Variants in ACACB observed in about 807,000 individuals in gnomAD.
ACACB encodes the protein acetyl-CoA carboxylase 2.
Under a neutral mutation model 278.8 loss-of-function variants are expected in ACACB, and 209 were observed. The observed-to-expected ratio is 0.75, with a 90% CI of 0.67 to 0.84. The LOEUF is 0.84. Ranked by LOEUF, ACACB falls within the 40% of genes least tolerant of loss-of-function variation. ACACB has a pLI of 0.00. For missense variants in ACACB, 2,850 were observed against 3,269.0 expected (o/e 0.87, Z 3.13); for synonymous variants, 1,174 against 1,285.6 (o/e 0.91, Z 1.86).
rs2045533263 is a variant in ACACB at position 109,206,869 on chromosome 12, A to G, written c.3060+13A>G. On this transcript the variant is annotated intron_variant, in intron 20 of 52. Coordinates refer to ENST00000338432, the MANE Select transcript of ACACB (RefSeq NM_001093.4). ...TTTTAGCATAAAGGTAAAGTCACCTATGAGCGCAGGCGTGTAGACCAGTGC... is the reference window on the plus strand; with the variant it reads ...TTTTAGCATAAAGGTAAAGTCACCTGTGAGCGCAGGCGTGTAGACCAGTGC... 3.1e-6 allele frequency: 5 copies of G among 1,614,202 alleles called. No homozygotes were observed. The highest frequency in any genetic ancestry group is 4.2e-6 in the Non-Finnish European group (5 of 1,180,030).
chr12:109,264,252 A>G lies in ACACB; in HGVS notation c.6808A>G (p.Lys2270Glu), dbSNP rs772380197. ...TGCAGGGGAACCTGATCTCTCCGAC[A>G]AGGACCGAAAGGACCTGGAGGGCCG... is the stretch of plus-strand genomic sequence containing the variant. ...EQLGEPDLSDKDRKDLEGRLK... is the reference protein window; with the variant it reads ...EQLGEPDLSDEDRKDLEGRLK... The change falls in exon 50 of 53, where the codon AAG becomes GAG. Residue 2270 changes from lysine to glutamate, a missense_variant. Physicochemically the swap from Lys to Glu is moderately conservative, Grantham distance 56. Transcript: ENST00000338432. 1.2e-6 allele frequency: 2 copies of G among 1,614,042 alleles called. No homozygotes were observed. Among genetic ancestry groups the G allele is most frequent in the Non-Finnish European group, 1.7e-6 (2 of 1,179,994 alleles).
In ACACB at chr12:109,167,880, T is replaced by C; in HGVS notation, c.787-16T>C. 1 of 1,613,798 alleles carries C rather than the reference T, an allele frequency of 6.2e-7. No homozygotes were observed. The highest frequency in any genetic ancestry group is 2.2e-5 in the East Asian group (1 of 44,832). ...TAGATGTGCATCTACAGCTCCTTCCTTGTCTTCCCATGCAGGTGCTTATTG... is the reference window on the plus strand; with the variant it reads ...TAGATGTGCATCTACAGCTCCTTCCCTGTCTTCCCATGCAGGTGCTTATTG... On this transcript the variant is annotated splice_polypyrimidine_tract_variant and intron_variant, in intron 3 of 52. Coordinates refer to ENST00000338432, the MANE Select transcript of ACACB (RefSeq NM_001093.4).
rs149655262 is a variant in ACACB, at chr12:109,258,535, A to G, written c.6360+171A>G. Among the ~76,000 whole-genome samples, 183 of 152,186 alleles carry G rather than the reference A, an allele frequency of 1.2e-3. 1 individual carries two copies. Among genetic ancestry groups the G allele is most frequent in the African/African-American group, 4.1e-3 (171 of 41,522 alleles). On this transcript the variant is annotated intron_variant, in intron 46 of 52. Coordinates refer to ENST00000338432, the MANE Select transcript of ACACB (RefSeq NM_001093.4). ...TGCCTGTTTCTCTGACACTTTCTCT[A>G]TGGGTTGCATAAATGGCTGCACCAT...
intron 24 of ACACB, among the ~76,000 whole-genome samples, chr12:109,222,272 G>T (rs1022144879): frequency 1.4e-5 from 2 of 146,206 alleles, no homozygotes; most frequent in Middle Eastern, 6.9e-3. Context: ...AGGGCATGTT[G>T]TGGGGTGGAT....
At chr12:109,194,519 T>C (rs1226432293) in intron 16 of ACACB, among the ~76,000 whole-genome samples, 9 of 75,038 alleles carry the variant, frequency 1.2e-4, no homozygotes, top group African/African-American at 3.7e-4. Context: ...TGCATGTGTG[T>C]GTGTGTGTGT....
chr12:109,191,459 C>G (rs977777837), intron 13 of ACACB, 154 bp from the exon 14 acceptor site: 19 of 834,638 alleles, frequency 2.3e-5, no homozygotes, highest in Non-Finnish European at 3.3e-5. Flanking sequence ...AGTAATACAC[C>G]TACCTCAGCC....
intron 22 of ACACB, among the ~76,000 whole-genome samples, 158 bp downstream of exon 22, chr12:109,213,094 G>A (rs2045896346): frequency 6.6e-6 from 1 of 152,246 alleles, no homozygotes; most frequent in Non-Finnish European, 1.5e-5. Context: ...AACCCTGGGT[G>A]AGGTACTTTA....
chr12:109,123,728 C>T (rs1343087598), intron 1 of ACACB, among the ~76,000 whole-genome samples: 2 of 83,586 alleles, frequency 2.4e-5, no homozygotes, highest in Admixed American at 1.2e-4. Context: ...CACTCTGTCG[C>T]CCAGGCTGGA....
intron 4 of ACACB, 111 bp from the exon 5 acceptor site, chr12:109,171,694 A>ACT: frequency 1.2e-6 from 1 of 805,828 alleles, no homozygotes; most frequent in Non-Finnish European, 2.0e-6. Context: ...TTACCATAGA[A>ACT]ATCTGCATGG....
intron 27 of ACACB, 78 bp from the exon 28 acceptor site, chr12:109,227,293 C>G (rs2046340361): frequency 4.0e-6 from 5 of 1,258,346 alleles, no homozygotes; most frequent in Non-Finnish European, 5.7e-6. Flanking sequence ...GGTACCTGTT[C>G]CCCGTGAGTG....
chr12:109,132,171 CTT>C (rs545662953), intron 1 of ACACB, among the ~76,000 whole-genome samples: 1 of 146,284 alleles, frequency 6.8e-6, no homozygotes, highest in Non-Finnish European at 1.5e-5. Context: ...TGGGTTGTTC[CTT>C]TTTTTTTTTG....
At position 109,147,102 on chromosome 12, in the gene ACACB, C is replaced by G. The variant is rs1004364127; in HGVS notation, c.653+7044C>G. Among the ~76,000 whole-genome samples, 7 of 152,294 alleles carry G rather than the reference C, an allele frequency of 4.6e-5. No individual in the cohort carries two copies. The South Asian group carries it at 8.3e-4, about 18-fold the overall frequency. ...CCATCAGAGTCACTTCCTCAAAGGG[C>G]CTTCCCTGTCCCTTTCTCACATTTA... On this transcript the variant is annotated intron_variant, in intron 2 of 52. Coordinates refer to ENST00000338432, the MANE Select transcript of ACACB (RefSeq NM_001093.4).
Position 109,264,234 on chromosome 12 carries a change from G to A in ACACB, c.6790G>A (p.Glu2264Lys). The A allele has an allele frequency of 6.2e-7, 1 of 1,614,068 alleles. No individual in the cohort carries two copies. Residue 2264 changes from glutamate to lysine, a missense_variant and splice_region_variant, in exon 50 of 53, where the codon GAA becomes AAA. By Grantham distance (56) the Glu-to-Lys change is moderately conservative. This residue lies in a region of ACACB where 579 missense variants were observed against 684.6 expected (regional missense o/e 0.85). Transcript: ENST00000338432. ...CTGGCCTTTCTGCTCACCTGCAGGG[G>A]AACCTGATCTCTCCGACAAGGACCG... ...AYKKLMEQLG[E>K]PDLSDKDRKD...
intron 2 of ACACB, among the ~76,000 whole-genome samples, chr12:109,163,853 T>G (rs1489893607): frequency 1.3e-5 from 2 of 152,230 alleles, no homozygotes; most frequent in Non-Finnish European, 2.9e-5. Context: ...TTTCACCATG[T>G]TGGCCAAGCT....
In ACACB at chr12:109,235,301, T is replaced by C; in HGVS notation, c.4348-12T>C. 6.2e-7 allele frequency: 1 copy of C among 1,613,390 alleles called. No homozygotes were observed. The highest frequency in any genetic ancestry group is 8.5e-7 in the Non-Finnish European group (1 of 1,179,396). On this transcript the variant is annotated splice_polypyrimidine_tract_variant and intron_variant, in intron 31 of 52. Coordinates refer to ENST00000338432, the MANE Select transcript of ACACB (RefSeq NM_001093.4). ...AAATAATATTCCATTGTGTCTTTGG[T>C]TTTTAATGCAGAAAAATATCCTTGT...
chr12:109,261,880 C>CAAAAAAAAAAA (rs757106164), intron 48 of ACACB, among the ~76,000 whole-genome samples: 2 of 86,078 alleles, frequency 2.3e-5, no homozygotes, highest in Non-Finnish European at 2.5e-5. Flanking sequence ...AAAAAAAAAA[C>CAAAAAAAAAAA]AAAAAAAAAA....
intron 28 of ACACB, among the ~76,000 whole-genome samples, chr12:109,231,865 T>C (rs9971877): frequency 0.39 from 59,738 of 152,048 alleles, 12,801 homozygotes; most frequent in African/African-American, 0.58. Flanking sequence ...CACCCTCTGC[T>C]CTGCATCGAA....
At chr12:109,228,350 G>GA (rs1476028731) in intron 28 of ACACB, among the ~76,000 whole-genome samples, 1 of 143,586 alleles carries the variant, frequency 7.0e-6, no homozygotes, top group East Asian at 2.1e-4. Flanking sequence ...AAAAAAAAGA[G>GA]AAAAAACAAA....
In ACACB at chr12:109,194,608, C is replaced by T. The variant is rs369290940; in HGVS notation, c.2481+879C>T. 1.2e-4 allele frequency among the ~76,000 whole-genome samples: 4 copies of T among 33,740 alleles called. No individual in the cohort carries two copies. The East Asian group carries it at 2.1e-3, about 18-fold the overall frequency. 22.1% of individuals were successfully genotyped at this position (33,740 alleles called of 152,430 possible). A position where few individuals can be genotyped will look rare whatever the true frequency, so the allele number is the denominator to read the frequency against. Reference sequence around the variant, plus strand: ...TCATGAGCCACCCCCTGGCCTCTGCCTCTGTGTGTGTGTGTGTGTGTGTGT... The same window carrying T: ...TCATGAGCCACCCCCTGGCCTCTGCTTCTGTGTGTGTGTGTGTGTGTGTGT... On this transcript the variant is annotated intron_variant, in intron 16 of 52. Coordinates refer to ENST00000338432, the MANE Select transcript of ACACB (RefSeq NM_001093.4).
Sources: gnomAD v4.1 joint callset for allele counts (sites outside exome capture counted in the v4.1 genomes callset) on GRCh38, gnomAD v4.1.1 for gene constraint, gnomAD v4.1.1 regional missense constraint, MANE v1.5 for transcripts, NCBI Gene and HGNC (gene_info 2026-07-23, HGNC 2026-07-21) for gene names.